C8orf74: variants seen among roughly 807,000 people sequenced by gnomAD.
C8orf74 encodes chromosome 8 open reading frame 74.
C8orf74 carries 29 observed loss-of-function variants against 22.2 expected under a neutral mutation model. The observed-to-expected ratio is 1.31, with a 90% CI of 0.97 to 1.78. The LOEUF is 1.78. Among genes scored for constraint, C8orf74 ranks in the 40% most tolerant of loss-of-function variants. The probability of loss-of-function intolerance (pLI) is 0.00; values close to 1 mark genes in which losing one functional copy is unlikely to be tolerated. For missense variants in C8orf74, 515 were observed against 369.9 expected, an observed-to-expected ratio of 1.39 and a Z score of -3.22; for synonymous variants, 255 against 163.1, an observed-to-expected ratio of 1.56 and a Z score of -4.30.
chr8:10,686,133 A>T (rs1799257870), intron 2 of C8orf74, among the ~76,000 whole-genome samples: 2 of 152,232 alleles, frequency 1.3e-5, no homozygotes, highest in Non-Finnish European at 2.9e-5. Context: ...ACAACAATTG[A>T]AAAATTAAAT....
chr8:10,676,495 A>G (rs1488366896), intron 2 of C8orf74, among the ~76,000 whole-genome samples: 1 of 152,172 alleles, frequency 6.6e-6, no homozygotes, highest in Non-Finnish European at 1.5e-5. Flanking sequence ...AGACACACAG[A>G]ATGTCCCACG....
At chr8:10,690,556 G>T (rs1001608150) in intron 2 of C8orf74, among the ~76,000 whole-genome samples, 1 of 152,184 alleles carries the variant, frequency 6.6e-6, no homozygotes, top group African/African-American at 2.4e-5. Context: ...AGCCTGACTT[G>T]GTTCCTGCCC....
chr8:10,700,274 A>G lies in C8orf74; in HGVS notation c.688A>G (p.Met230Val). 1 of 1,612,476 alleles carries G rather than the reference A, an allele frequency of 6.2e-7. No individual in the cohort carries two copies. Among genetic ancestry groups the G allele is most frequent in the Non-Finnish European group, 8.5e-7 (1 of 1,178,752 alleles). ...SLICQAVHTQ[M>V]ELLQELLQRQ... ...CATCTGCCAGGCAGTCCACACCCAGATGGAGCTCCTGCAGGAGCTGCTGCA... is the reference window on the plus strand; with the variant it reads ...CATCTGCCAGGCAGTCCACACCCAGGTGGAGCTCCTGCAGGAGCTGCTGCA... The change falls in exon 4 of 4, where the codon ATG (methionine) becomes GTG (valine). Residue 230 changes from methionine (M) to valine (V), a missense_variant. By Grantham distance (21) the Met-to-Val change is conservative. Coordinates refer to ENST00000304519, the MANE Select transcript of C8orf74 (RefSeq NM_001040032.2).
chr8:10,684,044 C>T (rs933093210), intron 2 of C8orf74, among the ~76,000 whole-genome samples: 11 of 152,296 alleles, frequency 7.2e-5, no homozygotes, highest in South Asian at 6.2e-4. Flanking sequence ...AGGACAGGAG[C>T]CCCGTGCTTC....
chr8:10,691,072 C>T (rs948456235), intron 2 of C8orf74: 27 of 386,872 alleles, frequency 7.0e-5, no homozygotes, highest in African/African-American at 4.8e-4. Flanking sequence ...GAGTGTGGTC[C>T]GAGGCCAAGA....
intron 2 of C8orf74, among the ~76,000 whole-genome samples, chr8:10,694,868 G>GTGGATGAATGAATGGATGGAAGAA (rs1799456010): frequency 6.6e-6 from 1 of 152,074 alleles, no homozygotes; most frequent in African/African-American, 2.4e-5. Flanking sequence ...GGATGGAAGA[G>GTGGATGAATGAATGGATGGAAGAA]TGGATGAATG....
At chr8:10,690,417 C>T (rs572796697) in intron 2 of C8orf74, among the ~76,000 whole-genome samples, 1 of 152,206 alleles carries the variant, frequency 6.6e-6, no homozygotes, top group South Asian at 2.1e-4. Context: ...GGGGGCAATG[C>T]GGCGTGCGGG....
At chr8:10,694,596 G>A (rs987995121) in intron 2 of C8orf74, among the ~76,000 whole-genome samples, 1 of 152,148 alleles carries the variant, frequency 6.6e-6, no homozygotes. Context: ...ATAAGATAAG[G>A]CAAACATAGA....
intron 2 of C8orf74, among the ~76,000 whole-genome samples, chr8:10,688,037 T>A (rs1465368579): frequency 1.3e-5 from 2 of 151,982 alleles, no homozygotes; most frequent in Non-Finnish European, 2.9e-5. Context: ...GAAGTCTGTG[T>A]CTACTAAAAA....
chr8:10,698,037 A>T, intron 3 of C8orf74, 32 bp downstream of exon 3: 1 of 1,443,326 alleles, frequency 6.9e-7, no homozygotes, highest in Non-Finnish European at 9.1e-7. Context: ...GTGGGTGGGC[A>T]CCTGGGCCTG....
At chr8:10,681,427 G>T (rs1317082301) in intron 2 of C8orf74, among the ~76,000 whole-genome samples, 1 of 152,114 alleles carries the variant, frequency 6.6e-6, no homozygotes, top group Non-Finnish European at 1.5e-5. Context: ...ACAGGAAGGG[G>T]GCACAGTTTG....
At chr8:10,673,289 C>T (rs1798955901) in intron 1 of C8orf74, among the ~76,000 whole-genome samples, 1 of 152,156 alleles carries the variant, frequency 6.6e-6, no homozygotes, top group Non-Finnish European at 1.5e-5. Flanking sequence ...TTAAGTGGCA[C>T]TTGCTTCTCC....
intron 2 of C8orf74, chr8:10,687,018 T>G (rs1799275210): frequency 2.2e-6 from 1 of 447,604 alleles, no homozygotes; most frequent in Non-Finnish European, 4.5e-6. Flanking sequence ...GGGATTAGAT[T>G]GAAGAAATCC....
chr8:10,684,354 G>T (rs937153136), intron 2 of C8orf74, among the ~76,000 whole-genome samples: 2 of 152,232 alleles, frequency 1.3e-5, no homozygotes, highest in African/African-American at 4.8e-5. Flanking sequence ...GCAAGGATCA[G>T]TGAGGGGCCA....
At chr8:10,693,189 C>T (rs1395826202) in intron 2 of C8orf74, among the ~76,000 whole-genome samples, 2 of 152,326 alleles carry the variant, frequency 1.3e-5, no homozygotes, top group South Asian at 2.1e-4. Context: ...ACCTTTCAGT[C>T]CCTCAGTGGG....
At chr8:10,700,101 C>A in intron 3 of C8orf74, 134 bp from the exon 4 acceptor site, 4 of 556,048 alleles carry the variant, frequency 7.2e-6, no homozygotes, top group Non-Finnish European at 1.2e-5. Context: ...GAGGTCCAGG[C>A]AACCACGGCC....
intron 1 of C8orf74, among the ~76,000 whole-genome samples, chr8:10,673,319 T>A (rs764778992): frequency 6.6e-6 from 1 of 152,146 alleles, no homozygotes; most frequent in Non-Finnish European, 1.5e-5. Flanking sequence ...TGGGAGCCTA[T>A]AAGAACTTTC....
chr8:10,699,114 G>A lies in C8orf74; in HGVS notation c.648+1109G>A, dbSNP rs559007234. Among the ~76,000 whole-genome samples the A allele has an allele frequency of 2.0e-5, 3 of 152,298 alleles. No individual in the cohort carries two copies. The East Asian group carries it at 5.8e-4, about 30-fold the overall frequency. On this transcript the variant is annotated intron_variant, in intron 3 of 3. Coordinates refer to ENST00000304519, the MANE Select transcript of C8orf74 (RefSeq NM_001040032.2). ...AGTCTATGTCTCTGGCCCCCTGCAG[G>A]GACCTTGCTCTAGCACACGGAGCAG...
chr8:10,674,284 C>T (rs112614482), intron 1 of C8orf74, among the ~76,000 whole-genome samples: 15 of 121,986 alleles, frequency 1.2e-4, no homozygotes, highest in East Asian at 2.8e-4. Flanking sequence ...TATCACACCC[C>T]GCAGCCCCCA....
Sources: gnomAD v4.1 joint callset for allele counts (sites outside exome capture counted in the v4.1 genomes callset) on GRCh38, gnomAD v4.1.1 for gene constraint, MANE v1.5 for transcripts, NCBI Gene and HGNC (gene_info 2026-07-23, HGNC 2026-07-21) for gene names.